Variants in ANKS1B observed in about 807,000 individuals in gnomAD.
The protein encoded by ANKS1B is ankyrin repeat and sterile alpha motif domain-containing protein 1B.
Under a neutral mutation model 148.3 loss-of-function variants are expected in ANKS1B, and 36 were observed. That is an observed-to-expected ratio of 0.24 (90% CI 0.19 to 0.32). The LOEUF (loss-of-function observed/expected upper bound fraction) is 0.32, where lower values mean the gene tolerates loss of function less well. ANKS1B is among the 10% of genes least tolerant of loss of function. The pLI, the probability that ANKS1B is intolerant of heterozygous loss-of-function variation, is 1.00. For missense variants in ANKS1B, 1,157 were observed against 1,542.6 expected (o/e 0.75, Z 4.19); for synonymous variants, 542 against 560.8 (o/e 0.97, Z 0.47).
At chr12:99,440,281 ATTC>A (rs564594940) in intron 11 of ANKS1B, among the ~76,000 whole-genome samples, 5 of 151,852 alleles carry the variant, frequency 3.3e-5, no homozygotes, top group Non-Finnish European at 5.9e-5. Context: ...TGTGTATTTG[ATTC>A]TTCAATTGTG....
rs1195310271 is a variant in ANKS1B, at chr12:99,893,757, GCGTTAATTCACTTA to G, written c.135-68382_135-68369del. Among the ~76,000 whole-genome samples, 5 of 152,230 alleles carry G rather than the reference GCGTTAATTCACTTA, an allele frequency of 3.3e-5. No individual in the cohort carries two copies. The East Asian group carries it at 9.7e-4, about 29-fold the overall frequency. ...ATGTGTTATTTGGTTTTCTGTTTCT[GCGTTAATTCACTTA>G]GAATAATCGTTTCCAGCTGCAACCA... On this transcript the variant is annotated intron_variant, in intron 1 of 26. Coordinates refer to ENST00000683438, the MANE Select transcript of ANKS1B (RefSeq NM_001352186.2).
chr12:99,529,773 G>C (rs1034601246), intron 9 of ANKS1B, among the ~76,000 whole-genome samples: 3 of 148,084 alleles, frequency 2.0e-5, no homozygotes, highest in Non-Finnish European at 2.9e-5. Context: ...AGCTTCATCA[G>C]CTCATACCTA....
intron 12 of ANKS1B, among the ~76,000 whole-genome samples, chr12:99,319,271 G>T (rs1270341017): frequency 1.3e-5 from 2 of 152,122 alleles, no homozygotes; most frequent in African/African-American, 4.8e-5. Context: ...TTGACAGTGG[G>T]GGGTTGTCTC....
chr12:99,755,903 A>AAGGACATACCTTATAATGTCCTTATTTTG (rs1447778173), intron 8 of ANKS1B, among the ~76,000 whole-genome samples: 1 of 152,062 alleles, frequency 6.6e-6, no homozygotes, highest in African/African-American at 2.4e-5. Context: ...TCAAAATAAT[A>AAGGACATACCTTATAATGTCCTTATTTTG]AGGACATACC....
chr12:99,154,275 A>G lies in ANKS1B; in HGVS notation c.2526+14T>C, dbSNP rs778417554. The stretch of plus-strand genomic sequence containing the variant: ...AGACAAAAGGCAGCTCCGTGGACAC[A>G]GAGAGCTTCTTACCATAAACTGCAC... On this transcript the variant is annotated intron_variant, in intron 15 of 26. Transcript: ENST00000683438. 1.2e-6 allele frequency: 2 copies of G among 1,613,310 alleles called. No individual in the cohort carries two copies. Among genetic ancestry groups the G allele is most frequent in the Admixed American group, 1.7e-5 (1 of 59,978 alleles).
At chr12:99,640,227 C>T (rs1010567972) in intron 9 of ANKS1B, among the ~76,000 whole-genome samples, 2 of 152,012 alleles carry the variant, frequency 1.3e-5, no homozygotes, top group African/African-American at 4.8e-5. Flanking sequence ...CAAAAACGAT[C>T]ATACAAACAA....
intron 12 of ANKS1B, among the ~76,000 whole-genome samples, chr12:99,247,851 C>T (rs572970173): frequency 6.6e-6 from 1 of 152,160 alleles, no homozygotes; most frequent in Admixed American, 6.5e-5. Context: ...ATTTAAATTA[C>T]CTGATAAGCC....
intron 1 of ANKS1B, among the ~76,000 whole-genome samples, chr12:99,908,702 T>C (rs974838871): frequency 6.6e-6 from 1 of 152,218 alleles, no homozygotes; most frequent in African/African-American, 2.4e-5. Context: ...TTCCCTAATA[T>C]ACAACTTCGG....
intron 3 of ANKS1B, 73 bp downstream of exon 3, chr12:99,812,082 T>C: frequency 1.3e-6 from 2 of 1,502,846 alleles, no homozygotes; most frequent in Non-Finnish European, 8.9e-7. Context: ...GATAAAAAAA[T>C]CACATTTTCA....
intron 9 of ANKS1B, among the ~76,000 whole-genome samples, chr12:98,736,966 A>T (rs1341140968): frequency 6.6e-6 from 1 of 152,222 alleles, no homozygotes; most frequent in Non-Finnish European, 1.5e-5. Flanking sequence ...ACAACAGATG[A>T]TAAGAAAACA....
rs11313441 is a variant in ANKS1B at position 98,944,302 on chromosome 12, C to CAAAAAAAA, written c.2778+108847_2778+108854dup. 7.7e-4 allele frequency among the ~76,000 whole-genome samples: 68 copies of CAAAAAAAA among 87,780 alleles called. 1 individual carries two copies. The highest frequency in any genetic ancestry group is 8.2e-3 in the Middle Eastern group (1 of 122). 57.6% of individuals were successfully genotyped at this position (87,780 alleles called of 152,430 possible). ...GTGACAAGAGCGAAACTCCACCTCA[C>CAAAAAAAA]AAAAAAAAAAAAAAAAAAAGCCTAG... On this transcript the variant is annotated intron_variant, in intron 17 of 26. Coordinates refer to ENST00000683438, the MANE Select transcript of ANKS1B (RefSeq NM_001352186.2).
intron 11 of ANKS1B, 87 bp from the exon 12 acceptor site, chr12:99,399,898 T>C: frequency 7.4e-7 from 1 of 1,353,026 alleles, no homozygotes; most frequent in Non-Finnish European, 1.0e-6. Flanking sequence ...TAAGTGATAA[T>C]TTTTTTCAGT....
chr12:99,701,060 T>C (rs148475457), intron 8 of ANKS1B, among the ~76,000 whole-genome samples: 1 of 152,158 alleles, frequency 6.6e-6, no homozygotes, highest in Admixed American at 6.5e-5. Flanking sequence ...AAACAACACA[T>C]TATAGTTTAA....
intron 12 of ANKS1B, among the ~76,000 whole-genome samples, chr12:99,366,690 T>G (rs568209031): frequency 1.3e-5 from 2 of 152,144 alleles, no homozygotes; most frequent in Non-Finnish European, 2.9e-5. Flanking sequence ...ATACATTATC[T>G]CAAGATTAAT....
At chr12:99,375,426 A>C (rs2093352001) in intron 12 of ANKS1B, among the ~76,000 whole-genome samples, 1 of 152,306 alleles carries the variant, frequency 6.6e-6, no homozygotes, top group Admixed American at 6.5e-5. Flanking sequence ...TTGATTTGGG[A>C]AAGTTACTAT....
intron 12 of ANKS1B, among the ~76,000 whole-genome samples, chr12:99,305,009 C>A (rs775610494): frequency 6.6e-6 from 1 of 152,200 alleles, no homozygotes; most frequent in East Asian, 1.9e-4. Context: ...ATGGCACCAG[C>A]ATTTGCTTCC....
chr12:99,921,623 C>T (rs2094355365), intron 1 of ANKS1B, among the ~76,000 whole-genome samples: 1 of 152,036 alleles, frequency 6.6e-6, no homozygotes, highest in Non-Finnish European at 1.5e-5. Flanking sequence ...TCACCACAAA[C>T]AAAGCAATCT....
intron 14 of ANKS1B, among the ~76,000 whole-genome samples, chr12:99,177,489 C>T (rs1388043323): frequency 6.6e-6 from 1 of 152,204 alleles, no homozygotes; most frequent in East Asian, 1.9e-4. Context: ...AATCAGGAAA[C>T]ATGTCCCTGA....
chr12:99,884,282 T>C (rs1374959353), intron 1 of ANKS1B, among the ~76,000 whole-genome samples: 5 of 152,152 alleles, frequency 3.3e-5, no homozygotes, highest in African/African-American at 1.2e-4. Flanking sequence ...TGCAGAGCCA[T>C]TGGAACTCTG....
Sources: gnomAD v4.1 joint callset for allele counts (sites outside exome capture counted in the v4.1 genomes callset) on GRCh38, gnomAD v4.1.1 for gene constraint, MANE v1.5 for transcripts, NCBI Gene and HGNC (gene_info 2026-07-23, HGNC 2026-07-21) for gene names.